RETREG1: variants seen among roughly 807,000 people sequenced by gnomAD.
The protein encoded by RETREG1 is family with sequence similarity 134 member B.
In RETREG1, 44 loss-of-function variants were observed where a neutral mutation model predicts 54.8. The ratio of observed to expected loss-of-function variants is 0.80; its 90% CI spans 0.63 to 1.03. The LOEUF (loss-of-function observed/expected upper bound fraction) is 1.03, where lower values mean the gene tolerates loss of function less well. Ranked by LOEUF, RETREG1 falls within the 50% of genes least tolerant of loss-of-function variation. RETREG1 has a pLI of 0.00. For synonymous variants in RETREG1, 217 were observed against 238.5 expected (o/e 0.91, Z 0.83); for missense variants, 554 against 605.1 (o/e 0.92, Z 0.89).
Position 16,616,671 on chromosome 5 carries a change from C to G in RETREG1, c.301G>C (p.Ala101Pro), listed in dbSNP as rs932869164. The change falls in exon 1 of 9, where the codon GCT becomes CCT. Residue 101 changes from alanine to proline, a missense_variant. This residue lies in a region of RETREG1 where 347 missense variants were observed against 412.3 expected (regional missense o/e 0.84). Transcript: ENST00000306320. ...TCTCACCAGAACAGCAGGTTGGCAGCGACGAAGCCGAGCAGGCTCCGCAGC... is the reference window on the plus strand; with the variant it reads ...TCTCACCAGAACAGCAGGTTGGCAGGGACGAAGCCGAGCAGGCTCCGCAGC... Reference protein sequence around the residue: ...RPLRSLLGFVAANLLFWFLAL... With the variant: ...RPLRSLLGFVPANLLFWFLAL... The G allele has an allele frequency of 6.3e-7, 1 of 1,595,778 alleles. No individual in the cohort carries two copies. Among genetic ancestry groups the G allele is most frequent in the Admixed American group, 1.7e-5 (1 of 59,448 alleles).
At chr5:16,547,015 T>C (rs929373285) in intron 3 of RETREG1, among the ~76,000 whole-genome samples, 1 of 152,204 alleles carries the variant, frequency 6.6e-6, no homozygotes, top group Admixed American at 6.5e-5. Flanking sequence ...CAGAGACCTT[T>C]TCCCCATGTT....
chr5:16,502,022 T>G (rs2126552097), intron 3 of RETREG1, among the ~76,000 whole-genome samples: 1 of 150,986 alleles, frequency 6.6e-6, no homozygotes, highest in Non-Finnish European at 1.5e-5. Context: ...AGTGGCGTGA[T>G]CTCGGCTCAC....
chr5:16,544,219 G>T (rs1259484947), intron 3 of RETREG1, among the ~76,000 whole-genome samples: 1 of 151,980 alleles, frequency 6.6e-6, no homozygotes, highest in Admixed American at 6.6e-5. Context: ...CAGGTGATCC[G>T]CCTGCCTCAG....
At chr5:16,578,212 T>C (rs1742387541) in intron 1 of RETREG1, among the ~76,000 whole-genome samples, 1 of 152,138 alleles carries the variant, frequency 6.6e-6, no homozygotes, top group African/African-American at 2.4e-5. Context: ...CAAATGCAGT[T>C]TAAAATGTTC....
At chr5:16,552,107 C>T (rs751830057) in intron 3 of RETREG1, among the ~76,000 whole-genome samples, 4 of 152,216 alleles carry the variant, frequency 2.6e-5, no homozygotes, top group South Asian at 2.1e-4. Flanking sequence ...TTCTGAGTTA[C>T]GGTATGGACT....
At chr5:16,579,845 A>C (rs1742435043) in intron 1 of RETREG1, among the ~76,000 whole-genome samples, 1 of 152,220 alleles carries the variant, frequency 6.6e-6, no homozygotes, top group Non-Finnish European at 1.5e-5. Context: ...AAATTTATCC[A>C]TTCACCTTTT....
chr5:16,518,540 G>A (rs62369715), intron 3 of RETREG1, among the ~76,000 whole-genome samples: 17,472 of 151,396 alleles, frequency 0.12, 1,178 homozygotes, highest in African/African-American at 0.16. Context: ...TTACTCTTAT[G>A]GTAAGAAAAA....
chr5:16,474,669 C>CTTTTTTTTTTTTTTTTTTTCTT lies in RETREG1; in HGVS notation c.*71_*72insAAGAAAAAAAAAAAAAAAAAAA. ...CTTACAGTTCAATTTTTTTCTTTTC[C>CTTTTTTTTTTTTTTTTTTTCTT]TTTTTTTTTTTTTTTTCTTGTTTGA... is the stretch of plus-strand genomic sequence containing the variant. On this transcript the variant is annotated 3_prime_UTR_variant, in exon 9 of 9. Transcript: ENST00000306320. 1 of 1,264,832 alleles carries CTTTTTTTTTTTTTTTTTTTCTT rather than the reference C, an allele frequency of 7.9e-7. No individual in the cohort carries two copies. The highest frequency in any genetic ancestry group is 1.1e-6 in the Non-Finnish European group (1 of 938,062). 78.4% of individuals were successfully genotyped at this position (1,264,832 alleles called of 1,614,324 possible).
intron 3 of RETREG1, among the ~76,000 whole-genome samples, chr5:16,558,022 G>GA: frequency 6.9e-6 from 1 of 145,724 alleles, no homozygotes; most frequent in East Asian, 2.0e-4. Flanking sequence ...GTGAGTTTGA[G>GA]AAAAAACAAA....
intron 2 of RETREG1, 37 bp from the exon 3 acceptor site, chr5:16,565,830 AG>A: frequency 6.2e-7 from 1 of 1,607,682 alleles, no homozygotes; most frequent in Non-Finnish European, 8.5e-7. Context: ...AACTTAACAG[AG>A]GTATTTTTCT....
chr5:16,477,915 C>CCATATGAACCCCCAAAATGACAGAGTA, intron 7 of RETREG1, 119 bp downstream of exon 7: 2 of 1,391,856 alleles, frequency 1.4e-6, no homozygotes, highest in African/African-American at 2.9e-5. Context: ...ATTTTGAAAT[C>CCATATGAACCCCCAAAATGACAGAGTA]ATTCAGTCAT....
intron 1 of RETREG1, chr5:16,616,448 C>A: frequency 1.0e-6 from 1 of 956,102 alleles, no homozygotes; most frequent in Non-Finnish European, 1.5e-6. Flanking sequence ...CGGAGAACGA[C>A]AACTGCTCAC....
At chr5:16,493,360 A>G (rs1203544056) in intron 3 of RETREG1, among the ~76,000 whole-genome samples, 1 of 152,224 alleles carries the variant, frequency 6.6e-6, no homozygotes, top group Non-Finnish European at 1.5e-5. Flanking sequence ...TCATAAGCCC[A>G]GGGCATGAGT....
intron 3 of RETREG1, among the ~76,000 whole-genome samples, chr5:16,523,360 G>A (rs1048125276): frequency 6.6e-6 from 1 of 152,062 alleles, no homozygotes. Flanking sequence ...AGAATGGCCT[G>A]GACTTTCCTC....
intron 3 of RETREG1, among the ~76,000 whole-genome samples, chr5:16,497,601 A>C (rs1285174106): frequency 1.3e-5 from 2 of 152,204 alleles, no homozygotes; most frequent in African/African-American, 4.8e-5. Context: ...GATAAAACTC[A>C]AGGTCACATC....
chr5:16,534,394 A>T (rs1375740307), intron 3 of RETREG1, among the ~76,000 whole-genome samples: 1 of 152,212 alleles, frequency 6.6e-6, no homozygotes, highest in Admixed American at 6.5e-5. Flanking sequence ...CAAGGTACCC[A>T]TCCCACTGCC....
intron 8 of RETREG1, 34 bp from the exon 9 acceptor site, chr5:16,475,268 C>T: frequency 6.2e-7 from 1 of 1,604,180 alleles, no homozygotes; most frequent in Non-Finnish European, 8.5e-7. Context: ...CAGACTGAAG[C>T]ACCATAACAA....
chr5:16,559,686 C>A (rs1421712823), intron 3 of RETREG1, among the ~76,000 whole-genome samples: 1 of 152,164 alleles, frequency 6.6e-6, no homozygotes, highest in Admixed American at 6.5e-5. Context: ...AAAGTTATTT[C>A]TTTCTAATTT....
intron 3 of RETREG1, among the ~76,000 whole-genome samples, chr5:16,533,675 T>C (rs1021269551): frequency 6.6e-6 from 1 of 152,100 alleles, no homozygotes; most frequent in African/African-American, 2.4e-5. Context: ...CAAATAAGAC[T>C]GACTCTGGCT....
Sources: gnomAD v4.1 joint callset for allele counts (sites outside exome capture counted in the v4.1 genomes callset) on GRCh38, gnomAD v4.1.1 for gene constraint, gnomAD v4.1.1 regional missense constraint, MANE v1.5 for transcripts, NCBI Gene and HGNC (gene_info 2026-07-23, HGNC 2026-07-21) for gene names.